Variants in CCDC178 observed in about 807,000 individuals in gnomAD.
CCDC178 encodes the protein coiled-coil domain-containing protein 178.
Under a neutral mutation model 117.4 loss-of-function variants are expected in CCDC178, and 126 were observed. The ratio of observed to expected loss-of-function variants is 1.07; its 90% CI spans 0.93 to 1.24. The LOEUF is 1.24. Ranked by LOEUF, CCDC178 falls within the 50% of genes most tolerant of loss-of-function variation. CCDC178 has a pLI of 0.00. For missense variants in CCDC178, 1,030 were observed against 986.9 expected (o/e 1.04, Z -0.59); for synonymous variants, 283 against 313.4 (o/e 0.90, Z 1.02).
In CCDC178 at chr18:33,293,328, C is replaced by G. The variant is rs769882691; in HGVS notation, c.1023-16G>C. The G allele has an allele frequency of 7.0e-7, 1 of 1,433,058 alleles. No homozygotes were observed. Among genetic ancestry groups the G allele is most frequent in the Non-Finnish European group, 9.6e-7 (1 of 1,040,986 alleles). The allele number at this position is 1,433,058 out of a possible 1,614,324, so 88.8% of individuals were successfully genotyped here. A position where few individuals can be genotyped will look rare whatever the true frequency, so the allele number is the denominator to read the frequency against. On this transcript the variant is annotated splice_polypyrimidine_tract_variant and intron_variant, in intron 11 of 22. Transcript: ENST00000383096. Reference sequence around the variant, plus strand: ...TATCTCTCTCCTAGGGATAAAAACACAGTTTATTTTATTCACATTAAAAGA... The same window carrying G: ...TATCTCTCTCCTAGGGATAAAAACAGAGTTTATTTTATTCACATTAAAAGA...
intron 20 of CCDC178, among the ~76,000 whole-genome samples, chr18:33,096,345 A>ATTTTATATAAAAATATAAAAT (rs2057543873): frequency 8.8e-6 from 1 of 113,762 alleles, no homozygotes. Flanking sequence ...AAATTTTTAT[A>ATTTTATATAAAAATATAAAAT]TTTTATATAA....
At chr18:33,055,876 C>G (rs1471505885) in intron 21 of CCDC178, among the ~76,000 whole-genome samples, 1 of 151,324 alleles carries the variant, frequency 6.6e-6, no homozygotes, top group Non-Finnish European at 1.5e-5. Context: ...ACCATGTTGG[C>G]TCCCTGCAAC....
chr18:33,049,587 T>C (rs1213011541), intron 21 of CCDC178, among the ~76,000 whole-genome samples: 2 of 152,220 alleles, frequency 1.3e-5, no homozygotes, highest in Non-Finnish European at 2.9e-5. Flanking sequence ...TTGTTTGGCA[T>C]TTATTCTTGA....
intron 20 of CCDC178, among the ~76,000 whole-genome samples, chr18:33,137,207 A>G (rs2058139541): frequency 6.6e-6 from 1 of 152,218 alleles, no homozygotes; most frequent in Non-Finnish European, 1.5e-5. Flanking sequence ...ACATTTCATT[A>G]ATTTATTCAG....
intron 21 of CCDC178, among the ~76,000 whole-genome samples, chr18:33,032,631 TG>T (rs1287957274): frequency 1.3e-5 from 2 of 152,068 alleles, no homozygotes; most frequent in Non-Finnish European, 2.9e-5. Context: ...TGAGGCTATC[TG>T]GGGTACTCAT....
intron 21 of CCDC178, among the ~76,000 whole-genome samples, chr18:33,009,458 T>C (rs148703057): frequency 1.2e-4 from 19 of 152,238 alleles, no homozygotes; most frequent in Non-Finnish European, 2.1e-4. Context: ...TTCTTATAGA[T>C]ATGCTTTTAT....
At chr18:33,009,031 C>A (rs565562281) in intron 21 of CCDC178, among the ~76,000 whole-genome samples, 48 of 152,154 alleles carry the variant, frequency 3.2e-4, no homozygotes, top group African/African-American at 1.1e-3. Context: ...GTTGTGTGGG[C>A]AAATCATCCT....
At chr18:33,238,998 G>T (rs2059456253) in intron 15 of CCDC178, among the ~76,000 whole-genome samples, 1 of 151,956 alleles carries the variant, frequency 6.6e-6, no homozygotes, top group Non-Finnish European at 1.5e-5. Flanking sequence ...AAAAACCCCT[G>T]CCAGCCAAGA....
chr18:33,033,006 C>T (rs906368383), intron 21 of CCDC178, among the ~76,000 whole-genome samples: 1 of 152,066 alleles, frequency 6.6e-6, no homozygotes, highest in African/African-American at 2.4e-5. Flanking sequence ...TTAAGTACTT[C>T]ACAAGGCTGT....
chr18:33,224,470 TAAG>T (rs1166443407), intron 17 of CCDC178, among the ~76,000 whole-genome samples: 1 of 152,188 alleles, frequency 6.6e-6, no homozygotes, highest in African/African-American at 2.4e-5. Context: ...AGGATTTCAT[TAAG>T]AAGGAGTGAA....
At chr18:33,398,971 G>A (rs2063675572) in intron 3 of CCDC178, among the ~76,000 whole-genome samples, 1 of 152,116 alleles carries the variant, frequency 6.6e-6, no homozygotes, top group Non-Finnish European at 1.5e-5. Context: ...TGGCCAAGGT[G>A]GGTGGATCAC....
At chr18:33,038,607 A>G (rs1444950776) in intron 21 of CCDC178, among the ~76,000 whole-genome samples, 2 of 152,130 alleles carry the variant, frequency 1.3e-5, no homozygotes, top group East Asian at 3.9e-4. Context: ...AAGGTAGTGA[A>G]GACTTGAAGA....
intron 20 of CCDC178, among the ~76,000 whole-genome samples, chr18:33,171,400 G>A (rs1316306182): frequency 6.6e-6 from 1 of 152,156 alleles, no homozygotes; most frequent in Non-Finnish European, 1.5e-5. Context: ...TCTTTATAGT[G>A]AACACAACAA....
At chr18:33,036,966 T>C (rs1485902870) in intron 21 of CCDC178, among the ~76,000 whole-genome samples, 2 of 151,952 alleles carry the variant, frequency 1.3e-5, no homozygotes, top group Non-Finnish European at 2.9e-5. Flanking sequence ...TGGCCAACAT[T>C]TCTTTTTGCG....
At chr18:33,152,349 T>A (rs563015729) in intron 20 of CCDC178, among the ~76,000 whole-genome samples, 2 of 152,066 alleles carry the variant, frequency 1.3e-5, no homozygotes, top group South Asian at 4.2e-4. Context: ...AAAATGGTCA[T>A]AATATTTTGC....
intron 21 of CCDC178, among the ~76,000 whole-genome samples, chr18:33,043,085 T>C (rs2144899295): frequency 6.6e-6 from 1 of 152,094 alleles, no homozygotes; most frequent in African/African-American, 2.4e-5. Context: ...TTGAAGAAAA[T>C]ACTGAATGAA....
At chr18:33,092,210 C>T (rs1338129014) in intron 21 of CCDC178, among the ~76,000 whole-genome samples, 1 of 152,044 alleles carries the variant, frequency 6.6e-6, no homozygotes, top group Non-Finnish European at 1.5e-5. Flanking sequence ...AGTAATAGAA[C>T]TTTTTCTTCC....
At chr18:32,947,009 T>C (rs1016672256) in intron 22 of CCDC178, among the ~76,000 whole-genome samples, 1 of 152,052 alleles carries the variant, frequency 6.6e-6, no homozygotes, top group African/African-American at 2.4e-5. Context: ...GTCGATCTCC[T>C]GACCTCGTGA....
At chr18:33,389,839 G>A (rs183576331) in intron 4 of CCDC178, among the ~76,000 whole-genome samples, 19 of 151,774 alleles carry the variant, frequency 1.3e-4, no homozygotes, top group African/African-American at 4.3e-4. Flanking sequence ...TCATAAGAAG[G>A]TATTCAAAAT....
Sources: gnomAD v4.1 joint callset for allele counts (sites outside exome capture counted in the v4.1 genomes callset) on GRCh38, gnomAD v4.1.1 for gene constraint, MANE v1.5 for transcripts, NCBI Gene and HGNC (gene_info 2026-07-23, HGNC 2026-07-21) for gene names.